Variants in SLC35F5 observed in about 807,000 individuals in gnomAD.
SLC35F5 encodes solute carrier family 35 member F5, also known as HCV NS5A-transactivated protein 3.
A neutral mutation model predicts 68.6 loss-of-function variants in SLC35F5; 54 were observed. The observed-to-expected ratio is 0.79, with a 90% CI of 0.63 to 0.99. The LOEUF is 0.99. Among genes scored for constraint, SLC35F5 ranks in the 50% least tolerant of loss-of-function variants. SLC35F5 has a pLI of 0.00. For missense variants in SLC35F5, 567 were observed against 626.9 expected (o/e 0.90, Z 1.02); for synonymous variants, 211 against 205.2 (o/e 1.03, Z -0.24).
At chr2:113,735,633 A>G in intron 8 of SLC35F5, 144 bp downstream of exon 8, 1 of 524,322 alleles carries the variant, frequency 1.9e-6, no homozygotes. Flanking sequence ...TATACAGATT[A>G]AAAGGCAGTT....
At chr2:113,735,171 C>G (rs1263079150) in intron 8 of SLC35F5, among the ~76,000 whole-genome samples, 1 of 152,062 alleles carries the variant, frequency 6.6e-6, no homozygotes, top group East Asian at 1.9e-4. Context: ...GGAAAGGCAA[C>G]TACAATACAA....
intron 5 of SLC35F5, among the ~76,000 whole-genome samples, chr2:113,744,140 C>T (rs1335033004): frequency 6.6e-6 from 1 of 152,164 alleles, no homozygotes; most frequent in Non-Finnish European, 1.5e-5. Context: ...AACAAATGCT[C>T]ATAGTAGGAG....
intron 5 of SLC35F5, 112 bp from the exon 6 acceptor site, chr2:113,743,906 C>T (rs920472000): frequency 1.3e-6 from 1 of 774,108 alleles, no homozygotes; most frequent in Non-Finnish European, 1.9e-6. Flanking sequence ...TGGTTGTTCA[C>T]CACCAAGTTT....
At chr2:113,741,008 C>T (rs1676251444) in intron 7 of SLC35F5, among the ~76,000 whole-genome samples, 1 of 152,114 alleles carries the variant, frequency 6.6e-6, no homozygotes, top group Non-Finnish European at 1.5e-5. Flanking sequence ...TTTTAAAGAC[C>T]ATTTATGGTC....
At chr2:113,718,905 GAAAGAAAGAAAGAAAGAAAGAAAA>G (rs1687298314) in intron 14 of SLC35F5, among the ~76,000 whole-genome samples, 1 of 111,212 alleles carries the variant, frequency 9.0e-6, no homozygotes, top group African/African-American at 3.4e-5. Flanking sequence ...AAGAAAGAAA[GAAAGAAAGAAAGAAAGAAAGAAAA>G]AGAAAGGAAG....
At chr2:113,725,673 G>T in intron 11 of SLC35F5, 136 bp from the exon 12 acceptor site, 2 of 725,542 alleles carry the variant, frequency 2.8e-6, no homozygotes, top group Non-Finnish European at 4.3e-6. Flanking sequence ...CTGTTGGTTT[G>T]TTTTTAAGTC....
rs1372114883 is a variant in SLC35F5, at chr2:113,711,974, T to C, written c.*3244A>G. On this transcript the variant is annotated 3_prime_UTR_variant, in exon 16 of 16. Transcript: ENST00000245680. ...TTACCACAGTGCCCTGTGAAAAGAC[T>C]TGGCTTCCAGAGAAGTCATACCTTG... Among the ~76,000 whole-genome samples the C allele has an allele frequency of 3.3e-5, 5 of 152,246 alleles. No homozygotes were observed. Among genetic ancestry groups the C allele is most frequent in the African/African-American group, 1.2e-4 (5 of 41,470 alleles).
chr2:113,717,472 C>T (rs1272809436), intron 15 of SLC35F5: 2 of 210,656 alleles, frequency 9.5e-6, no homozygotes, highest in Non-Finnish European at 1.9e-5. Flanking sequence ...ATTATACATA[C>T]TTTATATTTA....
rs1687328761 is a variant in SLC35F5, at chr2:113,719,252, A to G, written c.1398T>C (p.Phe466=). The G allele has an allele frequency of 1.3e-6, 2 of 1,597,888 alleles. No individual in the cohort carries two copies. Among genetic ancestry groups the G allele is most frequent in the South Asian group, 2.3e-5 (2 of 88,314 alleles). Residue 466 remains phenylalanine, a synonymous_variant, in exon 14 of 16, where the codon TTT becomes TTC. Coordinates refer to ENST00000245680, the MANE Select transcript of SLC35F5 (RefSeq NM_025181.5). ...TATAATGGCATAGGAGAGTTACAATAAAAAATGAAAAAAATACAGGGATAG... is the reference window on the plus strand; with the variant it reads ...TATAATGGCATAGGAGAGTTACAATGAAAAATGAAAAAAATACAGGGATAG... ...AGAIPVFFSF[F]IVTLLCHYNN...
chr2:113,711,156 A>T lies in SLC35F5; in HGVS notation c.*4062T>A, dbSNP rs1686969941. ...CTCCATCAAAATCCCTAGCTCAAAA[A>T]TAAAAATCATGTTTGTGTCACCCCA... is the stretch of plus-strand genomic sequence containing the variant. On this transcript the variant is annotated 3_prime_UTR_variant, in exon 16 of 16. Transcript: ENST00000245680. Among the ~76,000 whole-genome samples the T allele has an allele frequency of 1.3e-5, 2 of 152,178 alleles. No homozygotes were observed.
chr2:113,725,262 T>C (rs1459485517), intron 12 of SLC35F5, 116 bp downstream of exon 12: 1 of 873,814 alleles, frequency 1.1e-6, no homozygotes, highest in Non-Finnish European at 1.8e-6. Flanking sequence ...TTCAGTTGTA[T>C]GTGTGTTGCA....
chr2:113,734,544 A>T, intron 9 of SLC35F5, 42 bp downstream of exon 9: 1 of 1,136,682 alleles, frequency 8.8e-7, no homozygotes. Flanking sequence ...GTAATATTGT[A>T]TTTTTAAGCA....
downstream of SLC35F5, among the ~76,000 whole-genome samples, chr2:113,703,261 A>C (rs1268910558): frequency 6.6e-6 from 1 of 152,096 alleles, no homozygotes; most frequent in African/African-American, 2.4e-5. Flanking sequence ...AACTTCACCA[A>C]AGGGAAACAA....
In SLC35F5 at chr2:113,743,791, C is replaced by T; in HGVS notation, c.484G>A (p.Glu162Lys). 1 of 1,598,088 alleles carries T rather than the reference C, an allele frequency of 6.3e-7. No individual in the cohort carries two copies. The highest frequency in any genetic ancestry group is 8.5e-7 in the Non-Finnish European group (1 of 1,171,662). Residue 162 changes from glutamate to lysine, a missense_variant, in exon 6 of 16, where the codon GAA becomes AAA. By Grantham distance (56) the Glu-to-Lys change is moderately conservative (BLOSUM62 1). Transcript: ENST00000245680. ...AATTTCACAGGCACATACAGAGGTT[C>T]ACTCTGGAATGTAACAGAAAAAAAT... ...TDTTMNSSLS[E>K]PLYVPVKFHD...
Position 113,719,302 on chromosome 2 carries a change from A to G in SLC35F5, c.1348T>C (p.Phe450Leu). The change falls in exon 14 of 16, where the codon TTT (phenylalanine) becomes CTT (leucine). Residue 450 changes from phenylalanine (F) to leucine (L), a missense_variant. By Grantham distance (22) the Phe-to-Leu change is conservative. Coordinates refer to ENST00000245680, the MANE Select transcript of SLC35F5 (RefSeq NM_025181.5). ...IADMCMQKVQ[F>L]SWLFFAGAIP... ...GCTCCTGCAAAAAATAACCAAGAAA[A>G]CTGCACCTAAAAATAAAAGATAGAG... 1 of 1,541,370 alleles carries G rather than the reference A, an allele frequency of 6.5e-7. No individual in the cohort carries two copies. The highest frequency in any genetic ancestry group is 8.6e-7 in the Non-Finnish European group (1 of 1,158,902).
In SLC35F5 at chr2:113,707,298, G is replaced by C. The variant is rs1686825207; in HGVS notation, c.*7920C>G. The stretch of plus-strand genomic sequence containing the variant: ...CTGATTACTCAATACAGGCCTATCA[G>C]ATAAAACTAAAATGCTGCAACTTAA... On this transcript the variant is annotated 3_prime_UTR_variant, in exon 16 of 16. Transcript: ENST00000245680. Among the ~76,000 whole-genome samples, 1 of 152,072 alleles carries C rather than the reference G, an allele frequency of 6.6e-6. No individual in the cohort carries two copies. Among genetic ancestry groups the C allele is most frequent in the Admixed American group, 6.6e-5 (1 of 15,262 alleles).
At chr2:113,755,618 T>C in intron 1 of SLC35F5, 74 bp from the exon 2 acceptor site, 2 of 1,355,944 alleles carry the variant, frequency 1.5e-6, no homozygotes, top group African/African-American at 2.9e-5. Flanking sequence ...CGTTTTTTAC[T>C]CTTCATCTTC....
chr2:113,720,359 G>A (rs1687383044), intron 13 of SLC35F5, among the ~76,000 whole-genome samples: 1 of 150,292 alleles, frequency 6.7e-6, no homozygotes, highest in Non-Finnish European at 1.5e-5. Context: ...GGAATCATAG[G>A]TAAGACTCCC....
chr2:113,743,817 A>G (rs1676379561), intron 5 of SLC35F5, 23 bp from the exon 6 acceptor site: 1 of 1,555,308 alleles, frequency 6.4e-7, no homozygotes, highest in Non-Finnish European at 8.8e-7. Context: ...AGAAAAAAAT[A>G]TAAACAACAA....
Sources: allele counts gnomAD v4.1 joint callset (sites outside exome capture counted in the v4.1 genomes callset), GRCh38; gene constraint gnomAD v4.1.1; transcripts MANE v1.5; gene names NCBI Gene and HGNC (gene_info 2026-07-23, HGNC 2026-07-21).